EXT1: variants seen among roughly 807,000 people sequenced by gnomAD.
EXT1 encodes exostosin glycosyltransferase 1.
A neutral mutation model predicts 82.5 loss-of-function variants in EXT1; 20 were observed. That is an observed-to-expected ratio of 0.24 (90% CI 0.17 to 0.35). EXT1 has a LOEUF of 0.35. Among genes scored for constraint, EXT1 ranks in the 10% least tolerant of loss-of-function variants. The pLI, the probability that EXT1 is intolerant of heterozygous loss-of-function variation, is 1.00. For synonymous variants in EXT1, 348 were observed against 350.8 expected, an observed-to-expected ratio of 0.99 and a Z score of 0.09; for missense variants, 757 against 936.5, an observed-to-expected ratio of 0.81 and a Z score of 2.50.
intron 1 of EXT1, among the ~76,000 whole-genome samples, chr8:117,948,320 C>CAA (rs34394392): frequency 0.036 from 1,828 of 51,132 alleles, 84 homozygotes; most frequent in Middle Eastern, 0.068. Flanking sequence ...CTGCCCTTGC[C>CAA]AAAAAAAAAA....
chr8:117,976,104 A>G (rs1815059375), intron 1 of EXT1, among the ~76,000 whole-genome samples: 1 of 152,214 alleles, frequency 6.6e-6, no homozygotes, highest in Non-Finnish European at 1.5e-5. Flanking sequence ...ACTTAAGCAA[A>G]TGTACACATG....
chr8:117,956,659 C>T (rs1814593504), intron 1 of EXT1, among the ~76,000 whole-genome samples: 1 of 152,148 alleles, frequency 6.6e-6, no homozygotes. Flanking sequence ...ATGAGCCAGG[C>T]TCCTCTCAAA....
intron 1 of EXT1, among the ~76,000 whole-genome samples, chr8:117,839,504 A>C (rs1435818956): frequency 2.0e-5 from 3 of 152,196 alleles, no homozygotes; most frequent in Non-Finnish European, 4.4e-5. Context: ...CATGTCTAAC[A>C]TATGTGTGTA....
intron 1 of EXT1, among the ~76,000 whole-genome samples, chr8:117,990,745 A>G (rs1815414494): frequency 6.6e-6 from 1 of 152,206 alleles, no homozygotes; most frequent in African/African-American, 2.4e-5. Flanking sequence ...TTTTGTGGAA[A>G]GATGCAAACC....
intron 1 of EXT1, among the ~76,000 whole-genome samples, chr8:118,073,548 G>T (rs1038105256): frequency 2.6e-5 from 4 of 152,246 alleles, no homozygotes; most frequent in Non-Finnish European, 4.4e-5. Flanking sequence ...CTGAGCCTGG[G>T]ACGCAGAGGT....
intron 3 of EXT1, 105 bp from the exon 4 acceptor site, chr8:117,830,454 G>T: frequency 7.7e-7 from 1 of 1,296,684 alleles, no homozygotes; most frequent in Non-Finnish European, 1.1e-6. Context: ...ATAGCATTTG[G>T]CTTCTAGCAT....
At chr8:117,842,226 C>G (rs1812284804) in intron 1 of EXT1, among the ~76,000 whole-genome samples, 1 of 152,170 alleles carries the variant, frequency 6.6e-6, no homozygotes, top group Non-Finnish European at 1.5e-5. Context: ...ACTGAGTAAT[C>G]TTGAGAAAGT....
rs533712986 is a variant in EXT1 at position 117,820,646 on chromosome 8, C to T, written c.1418-852G>A. Among the ~76,000 whole-genome samples the T allele has an allele frequency of 1.3e-3, 197 of 151,888 alleles. 1 individual carries two copies. The highest frequency in any genetic ancestry group is 4.6e-3 in the African/African-American group (189 of 41,408). On this transcript the variant is annotated intron_variant, in intron 5 of 10. Transcript: ENST00000378204. Reference sequence around the variant, plus strand: ...GAGGTTGCAGTGAGCCAAGATGGTGCCGATGGTGCCACTATACTCCAGCCT... The same window carrying T: ...GAGGTTGCAGTGAGCCAAGATGGTGTCGATGGTGCCACTATACTCCAGCCT...
At chr8:117,973,724 C>T (rs562864880) in intron 1 of EXT1, among the ~76,000 whole-genome samples, 3 of 150,776 alleles carry the variant, frequency 2.0e-5, no homozygotes, top group African/African-American at 4.9e-5. Context: ...GCCGTAATCA[C>T]GCCACTGCAC....
chr8:118,014,815 A>G (rs1421680539), intron 1 of EXT1, among the ~76,000 whole-genome samples: 1 of 151,990 alleles, frequency 6.6e-6, no homozygotes, highest in Non-Finnish European at 1.5e-5. Context: ...TAAAACCTCA[A>G]CCCCAGGCCC....
chr8:117,912,380 T>A (rs530226435), intron 1 of EXT1, among the ~76,000 whole-genome samples: 27 of 152,358 alleles, frequency 1.8e-4, no homozygotes, highest in African/African-American at 6.3e-4. Flanking sequence ...ACTTTATCCC[T>A]TTTCTTATTC....
At chr8:117,920,030 A>G (rs1245239845) in intron 1 of EXT1, among the ~76,000 whole-genome samples, 1 of 152,188 alleles carries the variant, frequency 6.6e-6, no homozygotes, top group Non-Finnish European at 1.5e-5. Context: ...GGTGGAGCTG[A>G]TGAGAAGGAA....
At chr8:118,065,443 C>A (rs537034349) in intron 1 of EXT1, among the ~76,000 whole-genome samples, 5 of 152,256 alleles carry the variant, frequency 3.3e-5, no homozygotes, top group Admixed American at 6.5e-5. Flanking sequence ...AAAACAACAA[C>A]AAAAACCAGA....
chr8:117,831,956 T>C (rs912367004), intron 3 of EXT1, among the ~76,000 whole-genome samples: 1 of 152,196 alleles, frequency 6.6e-6, no homozygotes, highest in Non-Finnish European at 1.5e-5. Context: ...CAGGCAAACA[T>C]TAGCCTGTAA....
intron 1 of EXT1, among the ~76,000 whole-genome samples, chr8:117,910,116 T>A (rs1304820705): frequency 6.6e-6 from 1 of 152,142 alleles, no homozygotes; most frequent in Non-Finnish European, 1.5e-5. Context: ...ACTATCCCCA[T>A]GATAAGCATA....
chr8:117,915,368 T>TATATATATAC (rs1813727909), intron 1 of EXT1, among the ~76,000 whole-genome samples: 2 of 151,770 alleles, frequency 1.3e-5, no homozygotes, highest in Admixed American at 6.6e-5. Flanking sequence ...TATATATATA[T>TATATATATAC]ATACCTGAAT....
At chr8:117,922,289 T>C (rs1296597368) in intron 1 of EXT1, among the ~76,000 whole-genome samples, 1 of 152,142 alleles carries the variant, frequency 6.6e-6, no homozygotes, top group African/African-American at 2.4e-5. Context: ...TCCCGAGGTC[T>C]AAGTAAACAA....
chr8:118,031,397 C>T (rs1254616409), intron 1 of EXT1, among the ~76,000 whole-genome samples: 3 of 151,886 alleles, frequency 2.0e-5, no homozygotes, highest in Non-Finnish European at 4.4e-5. Context: ...TGGTGGCCCG[C>T]ACCTGTAATC....
chr8:118,071,303 C>T (rs904098565), intron 1 of EXT1, among the ~76,000 whole-genome samples: 1 of 152,168 alleles, frequency 6.6e-6, no homozygotes, highest in Non-Finnish European at 1.5e-5. Context: ...ATAGTACCTC[C>T]TGCGTGACAC....
Sources: gnomAD v4.1 joint callset for allele counts (sites outside exome capture counted in the v4.1 genomes callset) on GRCh38, gnomAD v4.1.1 for gene constraint, MANE v1.5 for transcripts, NCBI Gene and HGNC (gene_info 2026-07-23, HGNC 2026-07-21) for gene names.